MYO5A: variants seen among roughly 807,000 people sequenced by gnomAD.
The protein encoded by MYO5A is myosin VA.
In MYO5A, 98 loss-of-function variants were observed where a neutral mutation model predicts 249.7. That is an observed-to-expected ratio of 0.39 (90% CI 0.33 to 0.46). The LOEUF (loss-of-function observed/expected upper bound fraction) is 0.46. MYO5A is among the 20% of genes least tolerant of loss of function. The probability of loss-of-function intolerance (pLI) is 0.98; values close to 1 mark genes in which losing one functional copy is unlikely to be tolerated. For missense variants in MYO5A, 1,696 were observed against 2,308.8 expected (o/e 0.73, Z 5.44); for synonymous variants, 778 against 810.6 (o/e 0.96, Z 0.68).
chr15:52,362,197 T>G (rs1426261496), intron 24 of MYO5A, among the ~76,000 whole-genome samples: 1 of 152,210 alleles, frequency 6.6e-6, no homozygotes, highest in Non-Finnish European at 1.5e-5. Flanking sequence ...CTTTGGCCCA[T>G]GTATCACATA....
intron 23 of MYO5A, among the ~76,000 whole-genome samples, chr15:52,365,745 A>C (rs1323085792): frequency 6.6e-6 from 1 of 152,224 alleles, no homozygotes; most frequent in Non-Finnish European, 1.5e-5. Context: ...AACATTCTAC[A>C]AGTTGCCTTT....
intron 1 of MYO5A, among the ~76,000 whole-genome samples, chr15:52,511,880 T>C (rs1237933556): frequency 6.6e-6 from 1 of 152,212 alleles, no homozygotes; most frequent in East Asian, 1.9e-4. Context: ...AACATTGATA[T>C]CGGCTGGGCG....
chr15:52,376,453 G>A lies in MYO5A; in HGVS notation c.2314C>T (p.Arg772Trp), dbSNP rs530642063. Reference protein sequence around the residue: ...RADKLRAACIRIQKTIRGWLL... With the variant: ...RADKLRAACIWIQKTIRGWLL... ...CACCCTCGGATGGTCTTCTGGATCC[G>A]GATGCAGGCAGCTCTCAGTTTGTCA... The change falls in exon 19 of 42, where the codon CGG becomes TGG. Residue 772 changes from arginine to tryptophan, a missense_variant. By Grantham distance (101) the Arg-to-Trp change is moderately radical (BLOSUM62 -3). Coordinates refer to ENST00000399233, the MANE Select transcript of MYO5A (RefSeq NM_001382347.1). 6.0e-5 allele frequency: 97 copies of A among 1,614,112 alleles called. No individual in the cohort carries two copies. The highest frequency in any genetic ancestry group is 7.8e-5 in the Non-Finnish European group (92 of 1,180,022).
At chr15:52,317,615 T>C (rs546066411) in intron 39 of MYO5A, among the ~76,000 whole-genome samples, 10 of 152,326 alleles carry the variant, frequency 6.6e-5, no homozygotes, top group African/African-American at 2.4e-4. Flanking sequence ...TGAGACTTGA[T>C]AATCCTTGAA....
At chr15:52,329,905 A>ATTT (rs58058940) in intron 35 of MYO5A, among the ~76,000 whole-genome samples, 16 of 119,724 alleles carry the variant, frequency 1.3e-4, no homozygotes, top group South Asian at 2.9e-4. Context: ...CGCCTGGGTA[A>ATTT]TTTTTTTTTT....
intron 1 of MYO5A, among the ~76,000 whole-genome samples, chr15:52,464,053 C>G (rs968839248): frequency 6.6e-6 from 1 of 152,230 alleles, no homozygotes; most frequent in African/African-American, 2.4e-5. Flanking sequence ...AATTACCCAA[C>G]TTTCTTCCTC....
rs1188617304 is a variant in MYO5A at position 52,340,177 on chromosome 15, ACC to A, written c.4239+17_4239+18del. 1 of 1,613,870 alleles carries A rather than the reference ACC, an allele frequency of 6.2e-7. No individual in the cohort carries two copies. Among genetic ancestry groups the A allele is most frequent in the Admixed American group, 1.7e-5 (1 of 60,020 alleles). On this transcript the variant is annotated intron_variant, in intron 32 of 41. Transcript: ENST00000399233. ...GCAGGCTAGGTTAAGAAGCATGTGG[ACC>A]CGGCAGCTCTCCTTACCAAGTTTTC...
rs2042532215 is a variant in MYO5A at position 52,397,324 on chromosome 15, G to A, written c.1196C>T (p.Ala399Val). The A allele has an allele frequency of 6.2e-7, 1 of 1,614,120 alleles. No homozygotes were observed. The highest frequency in any genetic ancestry group is 8.5e-7 in the Non-Finnish European group (1 of 1,180,002). Reference sequence around the variant, plus strand: ...GATGTGCTTGGCCAAAGCATCGCGGGCATTCGTGGCCTGCAGCTTGGAGAT... The same window carrying A: ...GATGTGCTTGGCCAAAGCATCGCGGACATTCGTGGCCTGCAGCTTGGAGAT... ...KPISKLQATN[A>V]RDALAKHIYA... Residue 399 changes from alanine (A) to valine (V), a missense_variant, in exon 10 of 42, where the codon GCC (alanine) becomes GTC (valine). Ala to Val is a moderately conservative substitution (Grantham distance 64, BLOSUM62 0). This residue lies in a region of MYO5A where 185 missense variants were observed against 204.8 expected (regional missense o/e 0.90). Transcript: ENST00000399233.
Position 52,313,024 on chromosome 15 carries a change from C to G in MYO5A, c.*672G>C, listed in dbSNP as rs1252744376. 6.5e-6 allele frequency: 1 copy of G among 152,724 alleles called. No homozygotes were observed. Among genetic ancestry groups the G allele is most frequent in the African/African-American group, 2.4e-5 (1 of 41,414 alleles). The allele number at this position is 152,724 out of a possible 1,614,324, so 9.5% of individuals were successfully genotyped here. A position where few individuals can be genotyped will look rare whatever the true frequency, so the allele number is the denominator to read the frequency against. ...TGACAAGAGAAACTTATTGTAGTGC[C>G]TAATATCACTTACATTTTAAGAAGA... On this transcript the variant is annotated 3_prime_UTR_variant, in exon 42 of 42. Transcript: ENST00000399233.
chr15:52,426,065 C>T (rs2075388061), intron 3 of MYO5A, 91 bp from the exon 4 acceptor site: 1 of 1,070,352 alleles, frequency 9.3e-7, no homozygotes, highest in Non-Finnish European at 1.4e-6. Context: ...TCACAGTTAA[C>T]ACAATCCTTC....
chr15:52,392,913 A>G (rs2042312292), intron 11 of MYO5A, among the ~76,000 whole-genome samples: 1 of 152,258 alleles, frequency 6.6e-6, no homozygotes, highest in Non-Finnish European at 1.5e-5. Flanking sequence ...TAAGAGCAAG[A>G]GTCCTCATCT....
At chr15:52,396,282 T>C in intron 11 of MYO5A, 34 bp downstream of exon 11, 2 of 1,188,148 alleles carry the variant, frequency 1.7e-6, no homozygotes, top group Non-Finnish European at 2.5e-6. Flanking sequence ...GAATAATTTA[T>C]AGCAGAGTAT....
At chr15:52,378,515 CAAAA>C (rs55803737) in intron 18 of MYO5A, among the ~76,000 whole-genome samples, 3 of 10,474 alleles carry the variant, frequency 2.9e-4, no homozygotes, top group East Asian at 6.0e-3. Flanking sequence ...AAGACTGTCT[CAAAA>C]AAAAAAAAAA....
chr15:52,369,776 T>G (rs1205281033), intron 22 of MYO5A, among the ~76,000 whole-genome samples: 2 of 151,404 alleles, frequency 1.3e-5, no homozygotes, highest in African/African-American at 4.8e-5. Flanking sequence ...ACCTTAGGCA[T>G]AAATGGGTTA....
intron 29 of MYO5A, 196 bp from the exon 30 acceptor site, chr15:52,346,657 T>A: frequency 1.5e-6 from 1 of 667,794 alleles, no homozygotes; most frequent in Non-Finnish European, 2.8e-6. Context: ...GTACCTTCAG[T>A]TTTTCTCCTG....
At chr15:52,403,230 A>T (rs2042838525) in intron 9 of MYO5A, among the ~76,000 whole-genome samples, 1 of 152,196 alleles carries the variant, frequency 6.6e-6, no homozygotes. Flanking sequence ...GTGATGCAGA[A>T]ATCAGAGTTC....
intron 40 of MYO5A, 109 bp downstream of exon 40, chr15:52,316,939 G>T: frequency 8.1e-7 from 1 of 1,236,312 alleles, no homozygotes; most frequent in Non-Finnish European, 1.2e-6. Context: ...CTTGAACACA[G>T]ATGAAGTCAG....
chr15:52,403,649 T>C (rs1380127378), intron 9 of MYO5A, among the ~76,000 whole-genome samples: 8 of 152,198 alleles, frequency 5.3e-5, no homozygotes. Flanking sequence ...TATCTGTGAA[T>C]GTACTAAAAG....
rs775776418 is a variant in MYO5A at position 52,351,248 on chromosome 15, G to A, written c.3849+6C>T. ...ACACCCAGTTTAATTGTGTGCTTGC[G>A]CTTACCTTGGGTTGGATGGCCTCTT... On this transcript the variant is annotated splice_donor_region_variant and intron_variant, in intron 28 of 41. Transcript: ENST00000399233. 8.1e-6 allele frequency: 13 copies of A among 1,612,526 alleles called. No homozygotes were observed. The highest frequency in any genetic ancestry group is 2.2e-5 in the East Asian group (1 of 44,864).
Sources: gnomAD v4.1 joint callset for allele counts (sites outside exome capture counted in the v4.1 genomes callset) on GRCh38, gnomAD v4.1.1 for gene constraint, gnomAD v4.1.1 regional missense constraint, MANE v1.5 for transcripts, NCBI Gene and HGNC (gene_info 2026-07-23, HGNC 2026-07-21) for gene names.